Variants in RAP1A observed in about 807,000 individuals in gnomAD.
RAP1A encodes the protein RAP1A, member of RAS oncogene family, also known as ras-related protein Rap-1A.
A neutral mutation model predicts 26.4 loss-of-function variants in RAP1A; 6 were observed. The ratio of observed to expected loss-of-function variants is 0.23; its 90% CI spans 0.12 to 0.45. RAP1A has a LOEUF of 0.45. Ranked by LOEUF, RAP1A falls within the 20% of genes least tolerant of loss-of-function variation. RAP1A has a pLI of 0.99. For missense variants in RAP1A, 121 were observed against 217.2 expected (o/e 0.56, Z 2.78); for synonymous variants, 73 against 79.4 (o/e 0.92, Z 0.43).
chr1:111,700,602 C>T (rs1661990270), intron 4 of RAP1A, among the ~76,000 whole-genome samples: 1 of 152,180 alleles, frequency 6.6e-6, no homozygotes, highest in African/African-American at 2.4e-5. Flanking sequence ...AACAATATCC[C>T]TATCTCTCAT....
In RAP1A at chr1:111,712,452, T is replaced by C. The variant is rs1221645125; in HGVS notation, c.*51T>C. The C allele has an allele frequency of 4.6e-5, 7 of 152,528 alleles. No individual in the cohort carries two copies. The highest frequency in any genetic ancestry group is 4.6e-4 in the Admixed American group (7 of 15,276). 9.4% of individuals were successfully genotyped at this position (152,528 alleles called of 1,614,324 possible). ...TTAGATTACAGGAATGAAGAACTGT[T>C]GCCTAATTGGAAAGTGCCAGCATTC... On this transcript the variant is annotated 3_prime_UTR_variant, in exon 8 of 8. Coordinates refer to ENST00000369709, the MANE Select transcript of RAP1A (RefSeq NM_002884.4).
At position 111,697,501 on chromosome 1, in the gene RAP1A, A is replaced by G; in HGVS notation, c.183+4A>G. ...AATCCTGGATACTGCAGGGACAGTA[A>G]GGATGTTTTCTCTTTTTTTGATAGA... On this transcript the variant is annotated splice_donor_region_variant and intron_variant, in intron 4 of 7. Transcript: ENST00000369709. 1 of 1,612,006 alleles carries G rather than the reference A, an allele frequency of 6.2e-7. No individual in the cohort carries two copies. Among genetic ancestry groups the G allele is most frequent in the Non-Finnish European group, 8.5e-7 (1 of 1,179,042 alleles).
intron 1 of RAP1A, among the ~76,000 whole-genome samples, chr1:111,593,834 C>T (rs1658515202): frequency 6.6e-6 from 1 of 151,716 alleles, no homozygotes; most frequent in Non-Finnish European, 1.5e-5. Context: ...AAGAACAAGG[C>T]CTAAGATTCA....
chr1:111,638,827 A>AT (rs1461070047), intron 1 of RAP1A, among the ~76,000 whole-genome samples: 1 of 151,922 alleles, frequency 6.6e-6, no homozygotes, highest in Admixed American at 6.6e-5. Flanking sequence ...AAGTAGGCAG[A>AT]TAAGTCACAG....
intron 1 of RAP1A, 90 bp from the exon 2 acceptor site, chr1:111,691,239 AAAAAC>A (rs1661655969): frequency 2.5e-6 from 2 of 811,736 alleles, no homozygotes; most frequent in African/African-American, 3.5e-5. Context: ...TTACAAGGAA[AAAAAC>A]AAAACAAACT....
Position 111,703,356 on chromosome 1 carries a change from G to A in RAP1A, c.204G>A (p.Arg68=), listed in dbSNP as rs1413669585. The change falls in exon 5 of 8, where the codon AGG becomes AGA. Residue 68 remains arginine (R), a synonymous_variant. Coordinates refer to ENST00000369709, the MANE Select transcript of RAP1A (RefSeq NM_002884.4). The part of the protein sequence containing the change: ...TAGTEQFTAM[R]DLYMKNGQGF... ...CATAGGAGCAATTTACAGCAATGAG[G>A]GATTTGTATATGAAGAACGGCCAAG... 6.3e-7 allele frequency: 1 copy of A among 1,575,286 alleles called. No individual in the cohort carries two copies. The highest frequency in any genetic ancestry group is 8.6e-7 in the Non-Finnish European group (1 of 1,157,930).
At position 111,697,443 on chromosome 1, in the gene RAP1A, A is replaced by G; in HGVS notation, c.129A>G (p.Gln43=). The G allele has an allele frequency of 6.2e-7, 1 of 1,613,004 alleles. No individual in the cohort carries two copies. The highest frequency in any genetic ancestry group is 1.1e-5 in the South Asian group (1 of 91,042). Reference sequence around the variant, plus strand: ...TTTTTTTTTTTTTGCCCCCACAGCAAGTTGAAGTCGATTGCCAACAGTGTA... The same window carrying G: ...TTTTTTTTTTTTTGCCCCCACAGCAGGTTGAAGTCGATTGCCAACAGTGTA... The part of the protein sequence containing the change: ...DPTIEDSYRK[Q]VEVDCQQCML... The change falls in exon 4 of 8, where the codon CAA becomes CAG. Residue 43 remains glutamine (Q), a splice_region_variant and synonymous_variant. Transcript: ENST00000369709.
chr1:111,678,634 G>A lies in RAP1A; in HGVS notation c.-27-12700G>A, dbSNP rs555898972. Among the ~76,000 whole-genome samples, 531 of 152,188 alleles carry A rather than the reference G, an allele frequency of 3.5e-3. 3 individuals are homozygous for A. Among genetic ancestry groups the A allele is most frequent in the Middle Eastern group, 0.017 (5 of 294 alleles). On this transcript the variant is annotated intron_variant, in intron 1 of 7. Coordinates refer to ENST00000369709, the MANE Select transcript of RAP1A (RefSeq NM_002884.4). Reference sequence around the variant, plus strand: ...TACTGTAGGCAGTTGTAACACAATGGTATTTGTGTGTTTAAACATAGAAAA... The same window carrying A: ...TACTGTAGGCAGTTGTAACACAATGATATTTGTGTGTTTAAACATAGAAAA...
intron 1 of RAP1A, chr1:111,649,096 CAGT>C: frequency 1.7e-6 from 1 of 601,884 alleles, no homozygotes; most frequent in Non-Finnish European, 3.2e-6. Context: ...CTAAAGTCAT[CAGT>C]AGCAAGATGG....
chr1:111,689,390 AAATTTGT>A (rs1240848080), intron 1 of RAP1A, among the ~76,000 whole-genome samples: 1 of 150,506 alleles, frequency 6.6e-6, no homozygotes, highest in African/African-American at 2.5e-5. Flanking sequence ...AACTTTGTTT[AAATTTGT>A]GTATTTTCTG....
chr1:111,569,495 A>G (rs1298205958), intron 1 of RAP1A, among the ~76,000 whole-genome samples: 1 of 152,010 alleles, frequency 6.6e-6, no homozygotes, highest in Non-Finnish European at 1.5e-5. Context: ...GTACTTAGAA[A>G]TAGCCTAGCT....
At chr1:111,620,342 T>G (rs763683149) in intron 1 of RAP1A, among the ~76,000 whole-genome samples, 1 of 152,152 alleles carries the variant, frequency 6.6e-6, no homozygotes, top group Non-Finnish European at 1.5e-5. Flanking sequence ...CTGAGAGAAG[T>G]AGAAGGTTGG....
rs796747616 is a variant in RAP1A at position 111,636,483 on chromosome 1, A to AT, written c.-28+16565dup. 3.8e-3 allele frequency among the ~76,000 whole-genome samples: 543 copies of AT among 143,464 alleles called. 2 individuals are homozygous for AT. Among genetic ancestry groups the AT allele is most frequent in the Middle Eastern group, 7.1e-3 (2 of 280 alleles). The allele number at this position is 143,464 out of a possible 152,430, so 94.1% of individuals were successfully genotyped here. On this transcript the variant is annotated intron_variant, in intron 1 of 7. Coordinates refer to ENST00000369709, the MANE Select transcript of RAP1A (RefSeq NM_002884.4). Reference sequence around the variant, plus strand: ...TTTGGTAGTTTGTGAAGAAAGGTAAATTTTTTTTTTTTTTTTGGAGACGGA... The same window carrying AT: ...TTTGGTAGTTTGTGAAGAAAGGTAAATTTTTTTTTTTTTTTTTGGAGACGGA...
intron 1 of RAP1A, among the ~76,000 whole-genome samples, chr1:111,659,007 ACTTCT>A (rs1205228283): frequency 6.6e-6 from 1 of 152,118 alleles, no homozygotes; most frequent in Non-Finnish European, 1.5e-5. Flanking sequence ...ATACCTGATA[ACTTCT>A]CTTACTCTGA....
intron 1 of RAP1A, among the ~76,000 whole-genome samples, chr1:111,636,110 A>G (rs1221515819): frequency 6.6e-6 from 1 of 152,148 alleles, no homozygotes; most frequent in Non-Finnish European, 1.5e-5. Context: ...GGTATAGGCA[A>G]AATTTTGAAT....
intron 2 of RAP1A, among the ~76,000 whole-genome samples, chr1:111,694,304 A>T (rs967621920): frequency 2.6e-5 from 4 of 152,212 alleles, no homozygotes; most frequent in Non-Finnish European, 5.9e-5. Context: ...GCCTTTGAAT[A>T]ATAGAAGCTT....
intron 1 of RAP1A, among the ~76,000 whole-genome samples, chr1:111,679,257 G>A (rs76394701): frequency 0.043 from 6,564 of 152,200 alleles, 280 homozygotes; most frequent in African/African-American, 0.11. Flanking sequence ...AAGCAGGGTG[G>A]GGCATCGCCT....
intron 6 of RAP1A, among the ~76,000 whole-genome samples, chr1:111,707,478 C>T (rs1316663428): frequency 6.6e-6 from 1 of 152,002 alleles, no homozygotes; most frequent in African/African-American, 2.4e-5. Flanking sequence ...CTTCTTTACC[C>T]CTAAATATTT....
chr1:111,654,234 A>AT (rs890673909), intron 1 of RAP1A, among the ~76,000 whole-genome samples: 2 of 151,816 alleles, frequency 1.3e-5, no homozygotes, highest in Admixed American at 6.6e-5. Flanking sequence ...CATCTTTTTT[A>AT]TTTTTTTTAA....
Sources: gnomAD v4.1 joint callset for allele counts (sites outside exome capture counted in the v4.1 genomes callset) on GRCh38, gnomAD v4.1.1 for gene constraint, MANE v1.5 for transcripts, NCBI Gene and HGNC (gene_info 2026-07-23, HGNC 2026-07-21) for gene names.